The following SCML4 variants were observed in gnomAD, a reference collection of about 807,000 sequenced individuals.
SCML4 encodes Scm polycomb group protein like 4.
A neutral mutation model predicts 41.1 loss-of-function variants in SCML4; 34 were observed. The ratio of observed to expected loss-of-function variants is 0.83; its 90% CI spans 0.63 to 1.10. The LOEUF (loss-of-function observed/expected upper bound fraction) is 1.10. Among genes scored for constraint, SCML4 ranks in the 50% least tolerant of loss-of-function variants. The probability of loss-of-function intolerance (pLI) is 0.00; values close to 1 mark genes in which losing one functional copy is unlikely to be tolerated. For missense variants in SCML4, 522 were observed against 534.1 expected (o/e 0.98, Z 0.22); for synonymous variants, 214 against 220.9 (o/e 0.97, Z 0.28).
intron 6 of SCML4, among the ~76,000 whole-genome samples, chr6:107,709,423 G>A (rs4946852): frequency 0.068 from 10,323 of 152,228 alleles, 480 homozygotes; most frequent in Admixed American, 0.15. Context: ...GCCCTGCCCC[G>A]AGGCTGACCT....
intron 1 of SCML4, among the ~76,000 whole-genome samples, chr6:107,815,006 G>A (rs1054411215): frequency 6.6e-6 from 1 of 152,166 alleles, no homozygotes; most frequent in East Asian, 1.9e-4. Flanking sequence ...AGAATGTTAA[G>A]GGCACCCCAA....
chr6:107,769,669 GATATA>G (rs1780359224), intron 2 of SCML4, among the ~76,000 whole-genome samples: 1 of 152,010 alleles, frequency 6.6e-6, no homozygotes, highest in African/African-American at 2.4e-5. Flanking sequence ...TGTTATTATT[GATATA>G]ATAAAATTAT....
At chr6:107,813,375 T>A (rs1256259202) in intron 1 of SCML4, among the ~76,000 whole-genome samples, 5,993 of 16,410 alleles carry the variant, frequency 0.37, 777 homozygotes, top group African/African-American at 0.5. Context: ...AAAAATTATA[T>A]ATATATATAT....
the SCML4 span, among the ~76,000 whole-genome samples, chr6:107,840,087 AT>A: frequency 8.5e-5 from 13 of 152,130 alleles, no homozygotes; most frequent in African/African-American, 2.9e-4. Context: ...GGATATTATA[AT>A]TTTTTTCTTG....
At chr6:107,714,720 G>A (rs1030638820) in intron 6 of SCML4, among the ~76,000 whole-genome samples, 2 of 152,158 alleles carry the variant, frequency 1.3e-5, no homozygotes, top group Non-Finnish European at 2.9e-5. Context: ...TCGTTGAGCT[G>A]TTGCAAGGAT....
chr6:107,711,546 T>G (rs1774216992), intron 6 of SCML4, among the ~76,000 whole-genome samples: 1 of 152,222 alleles, frequency 6.6e-6, no homozygotes, highest in Non-Finnish European at 1.5e-5. Context: ...TCACACAACA[T>G]TGAAATGACC....
At chr6:107,768,822 G>T (rs548869249) in intron 2 of SCML4, among the ~76,000 whole-genome samples, 13 of 152,262 alleles carry the variant, frequency 8.5e-5, no homozygotes, top group African/African-American at 3.1e-4. Context: ...CCCAGAACTT[G>T]TTTCTTCTGC....
At chr6:107,787,011 A>G (rs556464079) in intron 1 of SCML4, among the ~76,000 whole-genome samples, 1 of 152,200 alleles carries the variant, frequency 6.6e-6, no homozygotes, top group Non-Finnish European at 1.5e-5. Context: ...ATTAGTGGGC[A>G]GAGGGTAGAT....
At chr6:107,795,401 A>G (rs986219557) in intron 1 of SCML4, among the ~76,000 whole-genome samples, 5 of 152,206 alleles carry the variant, frequency 3.3e-5, no homozygotes, top group Non-Finnish European at 5.9e-5. Flanking sequence ...TAATTGCAGT[A>G]TAATTTACCT....
At chr6:107,820,757 C>T (rs976517408) in intron 1 of SCML4, among the ~76,000 whole-genome samples, 1 of 151,984 alleles carries the variant, frequency 6.6e-6, no homozygotes, top group African/African-American at 2.4e-5. Flanking sequence ...TTCCCCACAG[C>T]GATTTACAGC....
intron 2 of SCML4, among the ~76,000 whole-genome samples, chr6:107,751,572 ATCTT>A (rs36148554): frequency 0.11 from 9,732 of 87,540 alleles, 583 homozygotes; most frequent in Non-Finnish European, 0.12. Flanking sequence ...CATTTTAACA[ATCTT>A]TCTTTCTTTC....
At chr6:107,770,159 A>G (rs1279905454) in intron 2 of SCML4, among the ~76,000 whole-genome samples, 1 of 152,216 alleles carries the variant, frequency 6.6e-6, no homozygotes, top group Non-Finnish European at 1.5e-5. Flanking sequence ...TTGTCAAAAT[A>G]AAACTGGGGA....
intron 1 of SCML4, among the ~76,000 whole-genome samples, chr6:107,808,575 A>G (rs540327940): frequency 2.0e-4 from 31 of 152,252 alleles, no homozygotes; most frequent in African/African-American, 7.5e-4. Context: ...CCCAGCCTAG[A>G]GTGCTGTCTT....
At chr6:107,819,846 A>C (rs1389287358) in intron 1 of SCML4, among the ~76,000 whole-genome samples, 1 of 152,178 alleles carries the variant, frequency 6.6e-6, no homozygotes, top group Non-Finnish European at 1.5e-5. Context: ...TGGATATCAA[A>C]ATCTACTCCC....
At chr6:107,819,250 T>TTGCTTTGCCCAGCTCAG (rs1784777021) in intron 1 of SCML4, among the ~76,000 whole-genome samples, 1 of 152,234 alleles carries the variant, frequency 6.6e-6, no homozygotes, top group Non-Finnish European at 1.5e-5. Flanking sequence ...AGTTGAGTAT[T>TTGCTTTGCCCAGCTCAG]CATCTTTATG....
chr6:107,746,592 A>G, intron 4 of SCML4, 97 bp downstream of exon 4: 1 of 1,085,592 alleles, frequency 9.2e-7, no homozygotes, highest in Non-Finnish European at 1.4e-6. Flanking sequence ...TGAAGGACAG[A>G]CCCTGGCCAC....
chr6:107,735,584 A>T (rs1776983684), intron 5 of SCML4, among the ~76,000 whole-genome samples: 1 of 151,960 alleles, frequency 6.6e-6, no homozygotes, highest in African/African-American at 2.4e-5. Context: ...GAATTACTTG[A>T]GCTGAGGAGT....
intron 2 of SCML4, among the ~76,000 whole-genome samples, chr6:107,753,671 C>T (rs968234098): frequency 1.3e-5 from 2 of 151,944 alleles, no homozygotes; most frequent in African/African-American, 4.8e-5. Context: ...TTTAAGGATT[C>T]TTTGTTTTTT....
At chr6:107,721,426 G>A (rs1478148745) in intron 5 of SCML4, among the ~76,000 whole-genome samples, 1 of 152,050 alleles carries the variant, frequency 6.6e-6, no homozygotes, top group African/African-American at 2.4e-5. Context: ...TTAGCCGGAT[G>A]TGGTGGCAGG....
Sources: gnomAD v4.1 joint callset for allele counts (sites outside exome capture counted in the v4.1 genomes callset) on GRCh38, gnomAD v4.1.1 for gene constraint, MANE v1.5 for transcripts, NCBI Gene and HGNC (gene_info 2026-07-23, HGNC 2026-07-21) for gene names.